Variants in TTLL6 observed in about 807,000 individuals in gnomAD.
TTLL6 encodes the protein tubulin polyglutamylase TTLL6.
Under a neutral mutation model 96.4 loss-of-function variants are expected in TTLL6, and 75 were observed. The ratio of observed to expected loss-of-function variants is 0.78; its 90% CI spans 0.65 to 0.94. TTLL6 has a LOEUF of 0.94. Ranked by LOEUF, TTLL6 falls within the 40% of genes least tolerant of loss-of-function variation. The pLI is 0.00. For synonymous variants in TTLL6, 411 were observed against 419.4 expected (o/e 0.98, Z 0.24); for missense variants, 1,030 against 1,093.0 (o/e 0.94, Z 0.81).
chr17:48,768,443 TG>T (rs2038661082), intron 15 of TTLL6, among the ~76,000 whole-genome samples: 1 of 147,866 alleles, frequency 6.8e-6, no homozygotes, highest in Non-Finnish European at 1.5e-5. Flanking sequence ...GCTAATTTTT[TG>T]TATTTTTAGT....
At chr17:48,778,702 C>T (rs1439455824) in intron 13 of TTLL6, among the ~76,000 whole-genome samples, 3 of 151,364 alleles carry the variant, frequency 2.0e-5, no homozygotes, top group South Asian at 2.1e-4. Context: ...GAGGCTGAGG[C>T]GGGCTGATCA....
At position 48,769,746 on chromosome 17, in the gene TTLL6, C is replaced by T. The variant is rs1466613667; in HGVS notation, c.2392G>A (p.Gly798Arg). 1 of 1,613,906 alleles carries T rather than the reference C, an allele frequency of 6.2e-7. No individual in the cohort carries two copies. Among genetic ancestry groups the T allele is most frequent in the Non-Finnish European group, 8.5e-7 (1 of 1,179,894 alleles). ...CACTCACGTGACAGGTTATTCATCCCCAGCTTGGGGTTGTAGTGAGCTGGG... is the reference window on the plus strand; with the variant it reads ...CACTCACGTGACAGGTTATTCATCCTCAGCTTGGGGTTGTAGTGAGCTGGG... ...FFPAHYNPKL[G>R]MNNLSQNPSL... The change falls in exon 14 of 16, where the codon GGG becomes AGG. Residue 798 changes from glycine to arginine, a missense_variant. Physicochemically the swap from Gly to Arg is moderately radical, Grantham distance 125. Transcript: ENST00000393382.
At chr17:48,793,086 T>C (rs1310437420) in intron 8 of TTLL6, among the ~76,000 whole-genome samples, 1 of 152,206 alleles carries the variant, frequency 6.6e-6, no homozygotes, top group Non-Finnish European at 1.5e-5. Flanking sequence ...TCAGGTTTCC[T>C]GTCTTCTCCT....
chr17:48,763,191 A>G (rs1202456872), intron 15 of TTLL6, among the ~76,000 whole-genome samples: 2 of 152,182 alleles, frequency 1.3e-5, no homozygotes, highest in East Asian at 3.8e-4. Context: ...AAGAGCAGCC[A>G]AGATGGCTGG....
intron 13 of TTLL6, among the ~76,000 whole-genome samples, chr17:48,776,558 T>C (rs192402140): frequency 1.9e-4 from 29 of 152,326 alleles, no homozygotes; most frequent in African/African-American, 7.0e-4. Flanking sequence ...AAGAAATAAT[T>C]CCATTTACAA....
chr17:48,794,127 T>C, intron 8 of TTLL6: 1 of 1,583,452 alleles, frequency 6.3e-7, no homozygotes, highest in South Asian at 1.1e-5. Flanking sequence ...TACAGTGGGG[T>C]GAGAGGGAGA....
At chr17:48,786,092 A>C in intron 12 of TTLL6, 72 bp downstream of exon 12, 1 of 1,595,848 alleles carries the variant, frequency 6.3e-7, no homozygotes. Context: ...TGGTCTCCTC[A>C]GCACCCCTCC....
chr17:48,813,023 T>C (rs149423757), intron 1 of TTLL6, among the ~76,000 whole-genome samples: 2 of 152,246 alleles, frequency 1.3e-5, no homozygotes, highest in East Asian at 3.9e-4. Flanking sequence ...CTCATCCTCA[T>C]AATAACCTAT....
At chr17:48,797,787 CAAAAAAAAAAAAAA>C (rs58265844) in intron 6 of TTLL6, among the ~76,000 whole-genome samples, 1 of 58,634 alleles carries the variant, frequency 1.7e-5, no homozygotes, top group Non-Finnish European at 3.3e-5. Flanking sequence ...AACTCCATCT[CAAAAAAAAAAAAAA>C]AAAAAAAAAG....
At chr17:48,765,469 A>T (rs2038582820) in intron 15 of TTLL6, 1 of 152,226 alleles carries the variant, frequency 6.6e-6, no homozygotes, top group African/African-American at 2.4e-5. Flanking sequence ...TAAAATATTT[A>T]TCTAGAAGAG....
At chr17:48,766,175 G>A (rs2038600260) in intron 15 of TTLL6, among the ~76,000 whole-genome samples, 1 of 152,200 alleles carries the variant, frequency 6.6e-6, no homozygotes, top group African/African-American at 2.4e-5. Flanking sequence ...GTGAGGGCCA[G>A]TGTACACAGG....
At chr17:48,779,007 G>A (rs2038936228) in intron 13 of TTLL6, among the ~76,000 whole-genome samples, 1 of 151,866 alleles carries the variant, frequency 6.6e-6, no homozygotes, top group South Asian at 2.1e-4. Flanking sequence ...TGAGGTGAAA[G>A]GGAGGATCCC....
chr17:48,784,305 C>T (rs9912856), intron 13 of TTLL6, among the ~76,000 whole-genome samples: 46,354 of 151,582 alleles, frequency 0.31, 7,313 homozygotes, highest in Admixed American at 0.41. Flanking sequence ...CTTGGGAGGC[C>T]GAGGCGAGAG....
At chr17:48,764,411 G>A (rs1025505734) in intron 15 of TTLL6, among the ~76,000 whole-genome samples, 3 of 152,204 alleles carry the variant, frequency 2.0e-5, no homozygotes, top group Non-Finnish European at 4.4e-5. Context: ...GGTTGGGCAA[G>A]TCATTTAACA....
intron 1 of TTLL6, 37 bp from the exon 2 acceptor site, chr17:48,805,028 TC>T (rs1442220419): frequency 1.3e-6 from 2 of 1,501,780 alleles, no homozygotes; most frequent in Admixed American, 2.0e-5. Flanking sequence ...GTTACAGAGA[TC>T]CACCTGCAGG....
intron 8 of TTLL6, among the ~76,000 whole-genome samples, chr17:48,795,313 A>G (rs1336834122): frequency 6.6e-6 from 1 of 151,514 alleles, no homozygotes; most frequent in Non-Finnish European, 1.5e-5. Flanking sequence ...CGACAGAGCA[A>G]GACTCAGTCT....
intron 1 of TTLL6, among the ~76,000 whole-genome samples, chr17:48,809,252 C>G (rs7214800): frequency 0.15 from 22,749 of 152,090 alleles, 1,941 homozygotes; most frequent in African/African-American, 0.22. Context: ...CCTGGGTCTT[C>G]TGAGTCAATT....
At chr17:48,766,483 C>T (rs572764505) in intron 15 of TTLL6, among the ~76,000 whole-genome samples, 1 of 152,298 alleles carries the variant, frequency 6.6e-6, no homozygotes, top group South Asian at 2.1e-4. Flanking sequence ...TCCCTTTCTT[C>T]GTGTGGCTTC....
intron 5 of TTLL6, 37 bp downstream of exon 5, chr17:48,801,218 G>T (rs770128493): frequency 1.3e-6 from 2 of 1,520,936 alleles, no homozygotes; most frequent in South Asian, 1.2e-5. Context: ...AATGGGGAGG[G>T]GAGTGGAGAA....
Sources: gnomAD v4.1 joint callset for allele counts (sites outside exome capture counted in the v4.1 genomes callset) on GRCh38, gnomAD v4.1.1 for gene constraint, MANE v1.5 for transcripts, NCBI Gene and HGNC (gene_info 2026-07-23, HGNC 2026-07-21) for gene names.